The following XPR1 variants were observed in gnomAD, a reference collection of about 807,000 sequenced individuals.
XPR1 encodes the protein xenotropic and polytropic retrovirus receptor 1, also known as solute carrier family 53 member 1.
Under a neutral mutation model 87.5 loss-of-function variants are expected in XPR1, and 28 were observed. That is an observed-to-expected ratio of 0.32 (90% CI 0.24 to 0.44). XPR1 has a LOEUF of 0.44. Ranked by LOEUF, XPR1 falls within the 20% of genes least tolerant of loss-of-function variation. XPR1 has a pLI of 1.00. For missense variants in XPR1, 559 were observed against 862.3 expected (o/e 0.65, Z 4.41); for synonymous variants, 300 against 306.1 (o/e 0.98, Z 0.21).
chr1:180,715,537 A>G (rs1340801640), intron 2 of XPR1, among the ~76,000 whole-genome samples: 1 of 152,204 alleles, frequency 6.6e-6, no homozygotes, highest in Non-Finnish European at 1.5e-5. Flanking sequence ...AGGGCATTTC[A>G]GCATTCTTTC....
At chr1:180,708,416 G>C (rs533341368) in intron 2 of XPR1, among the ~76,000 whole-genome samples, 1 of 152,080 alleles carries the variant, frequency 6.6e-6, no homozygotes, top group African/African-American at 2.4e-5. Context: ...CATTATGAAC[G>C]TACTTAATGC....
rs1411603755 is a variant in XPR1, at chr1:180,836,550, T to C, written c.1335T>C (p.Tyr445=). 2 of 1,614,194 alleles carry C rather than the reference T, an allele frequency of 1.2e-6. No individual in the cohort carries two copies. The highest frequency in any genetic ancestry group is 1.3e-5 in the African/African-American group (1 of 75,050). The change falls in exon 11 of 15, where the codon TAT becomes TAC. Residue 445 remains tyrosine, a synonymous_variant. Transcript: ENST00000367590. ...CAGGAATTTGCCACAAATATACATA[T>C]GGTGTGCGGGCCATTGTTCAGTGCA... ...EESGICHKYT[Y]GVRAIVQCIP...
intron 2 of XPR1, among the ~76,000 whole-genome samples, chr1:180,730,840 T>TA (rs58865109): frequency 0.014 from 2,144 of 151,832 alleles, 39 homozygotes; most frequent in African/African-American, 0.049. Flanking sequence ...TTTTTTTTTT[T>TA]ATTTTTTGTA....
At chr1:180,649,356 C>T (rs930774492) in intron 1 of XPR1, among the ~76,000 whole-genome samples, 35 of 151,938 alleles carry the variant, frequency 2.3e-4, no homozygotes, top group Admixed American at 2.0e-3. Flanking sequence ...GGCGTGAACC[C>T]GGAGGCGGAG....
chr1:180,880,840 A>G (rs1046057868), intron 14 of XPR1, among the ~76,000 whole-genome samples: 1 of 148,780 alleles, frequency 6.7e-6, no homozygotes, highest in Non-Finnish European at 1.5e-5. Flanking sequence ...ACCTACAACA[A>G]TATTTTTATC....
At chr1:180,683,225 T>C (rs1656645099) in intron 2 of XPR1, among the ~76,000 whole-genome samples, 1 of 151,966 alleles carries the variant, frequency 6.6e-6, no homozygotes, top group South Asian at 2.1e-4. Context: ...GTTTGGTTTT[T>C]TGTCCTTGCG....
At chr1:180,883,449 C>T (rs1318325417) in intron 14 of XPR1, among the ~76,000 whole-genome samples, 1 of 152,078 alleles carries the variant, frequency 6.6e-6, no homozygotes, top group Non-Finnish European at 1.5e-5. Flanking sequence ...TGACTCACAC[C>T]TGTAAACCTA....
Position 180,825,166 on chromosome 1 carries a change from T to C in XPR1, c.956T>C (p.Ile319Thr). The C allele has an allele frequency of 6.2e-7, 1 of 1,603,128 alleles. No homozygotes were observed. Among genetic ancestry groups the C allele is most frequent in the Non-Finnish European group, 8.5e-7 (1 of 1,176,948 alleles). ...TCTGTCTTCCCCATCCTTTACTAGATTGCTGGATTCCTCGGGATATTGTGG... is the reference window on the plus strand; with the variant it reads ...TCTGTCTTCCCCATCCTTTACTAGACTGCTGGATTCCTCGGGATATTGTGG... ...SNLSHQHLFE[I>T]AGFLGILWCL... is the part of the protein sequence containing the mutation. The change falls in exon 9 of 15, where the codon ATT (isoleucine) becomes ACT (threonine). Residue 319 changes from isoleucine (I) to threonine (T), a missense_variant and splice_region_variant. Physicochemically the swap from Ile to Thr is moderately conservative, Grantham distance 89. Around this residue, in one of 7 missense-constraint regions of XPR1, gnomAD observed 264 missense variants for 377.2 expected, o/e 0.70. Coordinates refer to ENST00000367590, the MANE Select transcript of XPR1 (RefSeq NM_004736.4).
At chr1:180,879,913 A>C (rs1050690888) in intron 13 of XPR1, among the ~76,000 whole-genome samples, 163 bp from the exon 14 acceptor site, 9 of 150,914 alleles carry the variant, frequency 6.0e-5, no homozygotes, top group South Asian at 2.1e-4. Context: ...TTACCCCCCC[A>C]CCACCACCTC....
At chr1:180,793,236 C>A (rs1383659253) in intron 3 of XPR1, among the ~76,000 whole-genome samples, 5 of 151,978 alleles carry the variant, frequency 3.3e-5, no homozygotes, top group Non-Finnish European at 7.4e-5. Flanking sequence ...AAGAGCTATT[C>A]TTATTATATA....
intron 2 of XPR1, among the ~76,000 whole-genome samples, chr1:180,714,985 A>AAG (rs1469262117): frequency 6.6e-6 from 1 of 152,196 alleles, no homozygotes; most frequent in South Asian, 2.1e-4. Context: ...TAAATATATT[A>AAG]AGATGTGGGC....
chr1:180,755,090 T>C (rs1647681780), intron 2 of XPR1, among the ~76,000 whole-genome samples: 2 of 152,126 alleles, frequency 1.3e-5, no homozygotes, highest in South Asian at 4.1e-4. Context: ...ACCCTAATGG[T>C]GTTAGATTGG....
chr1:180,747,872 T>TG (rs1456627730), intron 2 of XPR1, among the ~76,000 whole-genome samples: 1 of 152,250 alleles, frequency 6.6e-6, no homozygotes, highest in Non-Finnish European at 1.5e-5. Flanking sequence ...GCTCACCAAC[T>TG]GAAACCATTA....
chr1:180,772,634 C>T (rs1452490499), intron 2 of XPR1, among the ~76,000 whole-genome samples: 1 of 152,128 alleles, frequency 6.6e-6, no homozygotes, highest in Non-Finnish European at 1.5e-5. Flanking sequence ...GAGGGCAGGT[C>T]TTTCCCATGC....
chr1:180,658,521 C>G (rs188190484), intron 1 of XPR1, among the ~76,000 whole-genome samples: 2 of 152,090 alleles, frequency 1.3e-5, no homozygotes, highest in East Asian at 3.9e-4. Context: ...TTATCAAATG[C>G]TTCTTCAACA....
intron 11 of XPR1, among the ~76,000 whole-genome samples, chr1:180,842,943 G>T (rs1003454434): frequency 6.6e-6 from 1 of 152,188 alleles, no homozygotes; most frequent in Non-Finnish European, 1.5e-5. Context: ...GAACAAAGAG[G>T]TATTCTCGGC....
intron 1 of XPR1, among the ~76,000 whole-genome samples, chr1:180,633,915 T>C (rs1654680537): frequency 6.6e-6 from 1 of 152,226 alleles, no homozygotes; most frequent in Non-Finnish European, 1.5e-5. Context: ...TTATGTAGCA[T>C]GGAATGCTTT....
rs1270291349 is a variant in XPR1, at chr1:180,695,448, GCGCACGCGCGCGC to G, written c.121+13038_121+13050del. ...TGTGTGTGTGTGTGTGTGTATGCGC[GCGCACGCGCGCGC>G]TTTTGTTGCCTGCGCTTTTGAAGTC... is the stretch of plus-strand genomic sequence containing the variant. On this transcript the variant is annotated intron_variant, in intron 2 of 14. Coordinates refer to ENST00000367590, the MANE Select transcript of XPR1 (RefSeq NM_004736.4). 1.2e-4 allele frequency among the ~76,000 whole-genome samples: 15 copies of G among 129,826 alleles called. No individual in the cohort carries two copies. In the East Asian group the frequency reaches 6.8e-3, roughly 59 times the overall value. 85.2% of individuals were successfully genotyped at this position (129,826 alleles called of 152,430 possible). A position where few individuals can be genotyped will look rare whatever the true frequency, so the allele number is the denominator to read the frequency against.
At chr1:180,842,148 A>AG (rs1426013846) in intron 11 of XPR1, among the ~76,000 whole-genome samples, 9 of 152,316 alleles carry the variant, frequency 5.9e-5, no homozygotes, top group African/African-American at 2.2e-4. Context: ...ACTGTTACAA[A>AG]GGATAAATTT....
Sources: gnomAD v4.1 joint callset for allele counts (sites outside exome capture counted in the v4.1 genomes callset) on GRCh38, gnomAD v4.1.1 for gene constraint, gnomAD v4.1.1 regional missense constraint, MANE v1.5 for transcripts, NCBI Gene and HGNC (gene_info 2026-07-23, HGNC 2026-07-21) for gene names.